The following MYRIP variants were observed in gnomAD, a reference collection of about 807,000 sequenced individuals.
MYRIP encodes the protein myosin VIIA and Rab interacting protein.
A neutral mutation model predicts 98.0 loss-of-function variants in MYRIP; 49 were observed. That is an observed-to-expected ratio of 0.50 (90% CI 0.40 to 0.63). The LOEUF (loss-of-function observed/expected upper bound fraction) is 0.63, where lower values mean the gene tolerates loss of function less well. MYRIP is among the 30% of genes least tolerant of loss of function. MYRIP has a pLI of 0.00. For synonymous variants in MYRIP, 404 were observed against 409.5 expected (o/e 0.99, Z 0.16); for missense variants, 1,004 against 1,058.2 (o/e 0.95, Z 0.71).
intron 10 of MYRIP, chr3:40,209,379 C>G (rs1051643453): frequency 6.5e-6 from 1 of 153,218 alleles, no homozygotes; most frequent in Non-Finnish European, 1.5e-5. Context: ...TGATGGATAT[C>G]TTAATTATCC....
At chr3:39,846,890 G>A (rs1941980350) in intron 1 of MYRIP, among the ~76,000 whole-genome samples, 1 of 152,170 alleles carries the variant, frequency 6.6e-6, no homozygotes, top group Admixed American at 6.5e-5. Context: ...CTAGCAGGTG[G>A]ACACCCAGGA....
At chr3:39,869,127 T>G (rs1942710088) in intron 1 of MYRIP, among the ~76,000 whole-genome samples, 1 of 152,214 alleles carries the variant, frequency 6.6e-6, no homozygotes, top group African/African-American at 2.4e-5. Flanking sequence ...ATTCTCCACA[T>G]TATTTATTCA....
intron 3 of MYRIP, among the ~76,000 whole-genome samples, chr3:40,120,351 C>A (rs1183819771): frequency 6.6e-6 from 1 of 151,928 alleles, no homozygotes; most frequent in East Asian, 1.9e-4. Context: ...AAACACCTTA[C>A]TTATTATATA....
At chr3:39,857,259 A>G (rs1009152043) in intron 1 of MYRIP, among the ~76,000 whole-genome samples, 4 of 151,316 alleles carry the variant, frequency 2.6e-5, no homozygotes, top group African/African-American at 7.3e-5. Flanking sequence ...GGGAGGGAGG[A>G]AGGAAGGAAG....
chr3:39,877,760 G>T (rs1245012321), intron 1 of MYRIP, among the ~76,000 whole-genome samples: 1 of 152,138 alleles, frequency 6.6e-6, no homozygotes, highest in Non-Finnish European at 1.5e-5. Flanking sequence ...CTACTGGGGG[G>T]TACCTCCCAG....
At chr3:39,833,487 G>A (rs1941516484) in intron 1 of MYRIP, among the ~76,000 whole-genome samples, 1 of 152,158 alleles carries the variant, frequency 6.6e-6, no homozygotes, top group Admixed American at 6.5e-5. Flanking sequence ...GATAGGAAAG[G>A]TGCCCTGGCT....
chr3:40,133,013 T>C (rs563426376), intron 3 of MYRIP, among the ~76,000 whole-genome samples: 332 of 152,364 alleles, frequency 2.2e-3, no homozygotes, highest in Non-Finnish European at 3.9e-3. Context: ...AAAACTGTGA[T>C]AGACTGACAT....
At chr3:39,949,659 C>T (rs1944966937) in intron 2 of MYRIP, among the ~76,000 whole-genome samples, 2 of 152,118 alleles carry the variant, frequency 1.3e-5, no homozygotes, top group South Asian at 2.1e-4. Flanking sequence ...TAAGCAGAAT[C>T]CACCTCCTTT....
chr3:40,086,878 G>A (rs375099253), intron 3 of MYRIP, among the ~76,000 whole-genome samples: 14 of 152,148 alleles, frequency 9.2e-5, no homozygotes, highest in East Asian at 5.8e-4. Flanking sequence ...GTAGTACATA[G>A]CAGCAAGCGG....
intron 4 of MYRIP, among the ~76,000 whole-genome samples, chr3:40,151,976 G>C (rs527463837): frequency 1.3e-5 from 2 of 152,044 alleles, no homozygotes; most frequent in Non-Finnish European, 2.9e-5. Flanking sequence ...TAAAGTCTTT[G>C]GTTGTATCTT....
At chr3:39,889,983 C>T (rs1444938283) in intron 1 of MYRIP, among the ~76,000 whole-genome samples, 1 of 152,032 alleles carries the variant, frequency 6.6e-6, no homozygotes, top group Non-Finnish European at 1.5e-5. Flanking sequence ...TGTAAAAAAT[C>T]TAAAATTTTT....
At chr3:40,140,966 A>G (rs1297084050) in intron 3 of MYRIP, among the ~76,000 whole-genome samples, 1 of 152,174 alleles carries the variant, frequency 6.6e-6, no homozygotes, top group African/African-American at 2.4e-5. Context: ...ATTATTGACT[A>G]TAGTCACCCT....
At chr3:40,066,865 C>A (rs1948136944) in intron 3 of MYRIP, among the ~76,000 whole-genome samples, 1 of 152,182 alleles carries the variant, frequency 6.6e-6, no homozygotes, top group African/African-American at 2.4e-5. Flanking sequence ...TCCCTCTATA[C>A]TACAACATGA....
intron 2 of MYRIP, among the ~76,000 whole-genome samples, chr3:39,988,678 G>A (rs949926193): frequency 1.3e-5 from 2 of 151,306 alleles, no homozygotes; most frequent in African/African-American, 2.4e-5. Flanking sequence ...TTTTTGCATA[G>A]TCCCATATTT....
At position 40,185,253 on chromosome 3, in the gene MYRIP, G is replaced by A. The variant is rs191399255; in HGVS notation, c.1027+2880G>A. ...GGTTTGGGTAAACCACAGTAACTCC[G>A]CTTTCAGTCTTGACGCTGCTTATAG... On this transcript the variant is annotated intron_variant, in intron 9 of 16. Coordinates refer to ENST00000302541, the MANE Select transcript of MYRIP (RefSeq NM_015460.4). Among the ~76,000 whole-genome samples the A allele has an allele frequency of 1.4e-3, 217 of 152,316 alleles. 1 individual carries two copies. The highest frequency in any genetic ancestry group is 5.0e-3 in the African/African-American group (206 of 41,570).
intron 2 of MYRIP, among the ~76,000 whole-genome samples, chr3:39,989,787 C>T (rs1019392796): frequency 1.3e-5 from 2 of 152,238 alleles, no homozygotes; most frequent in Admixed American, 6.5e-5. Flanking sequence ...GCACTCTGTC[C>T]GCAATCTGCC....
chr3:39,863,241 G>C (rs1349183353), intron 1 of MYRIP, among the ~76,000 whole-genome samples: 1 of 151,696 alleles, frequency 6.6e-6, no homozygotes, highest in African/African-American at 2.4e-5. Context: ...ACCATACCTA[G>C]AGAAACAAGA....
intron 11 of MYRIP, among the ~76,000 whole-genome samples, chr3:40,218,628 A>AT (rs1276687319): frequency 9.4e-4 from 18 of 19,128 alleles, no homozygotes; most frequent in East Asian, 8.5e-3. Flanking sequence ...ATATATATAT[A>AT]TATATATATA....
At chr3:39,891,331 G>C (rs542636383) in intron 1 of MYRIP, among the ~76,000 whole-genome samples, 1 of 151,572 alleles carries the variant, frequency 6.6e-6, no homozygotes, top group Admixed American at 6.6e-5. Context: ...TATTCATATT[G>C]CTCAGATTTT....
Sources: gnomAD v4.1 joint callset for allele counts (sites outside exome capture counted in the v4.1 genomes callset) on GRCh38, gnomAD v4.1.1 for gene constraint, MANE v1.5 for transcripts, NCBI Gene and HGNC (gene_info 2026-07-23, HGNC 2026-07-21) for gene names.